The following CIB4 variants were observed in gnomAD, a reference collection of about 807,000 sequenced individuals.
The protein encoded by CIB4 is calcium and integrin-binding family member 4.
CIB4 carries 25 observed loss-of-function variants against 25.8 expected under a neutral mutation model. That is an observed-to-expected ratio of 0.97 (90% CI 0.71 to 1.35). The LOEUF is 1.35. Among genes scored for constraint, CIB4 ranks in the 40% most tolerant of loss-of-function variants. The pLI is 0.00. For missense variants in CIB4, 235 were observed against 228.2 expected (o/e 1.03, Z -0.19); for synonymous variants, 75 against 81.4 (o/e 0.92, Z 0.42).
intron 3 of CIB4, among the ~76,000 whole-genome samples, chr2:26,615,456 T>C (rs958142770): frequency 7.9e-5 from 12 of 152,138 alleles, no homozygotes; most frequent in Non-Finnish European, 1.8e-4. Context: ...TGGCGTGAGA[T>C]TAGAGCCTCA....
chr2:26,583,778 C>T lies in CIB4; in HGVS notation c.438+11G>A, dbSNP rs770526784. 2 of 1,573,372 alleles carry T rather than the reference C, an allele frequency of 1.3e-6. No individual in the cohort carries two copies. Among genetic ancestry groups the T allele is most frequent in the Non-Finnish European group, 8.7e-7 (1 of 1,144,450 alleles). On this transcript the variant is annotated intron_variant, in intron 5 of 6. Coordinates refer to ENST00000288861, the MANE Select transcript of CIB4 (RefSeq NM_001029881.3). ...GGCCCCAGCCACCAACTCCCAGCCC[C>T]CAGCACACACGTGGTTCGTGAGGTC...
intron 3 of CIB4, among the ~76,000 whole-genome samples, chr2:26,598,766 C>T (rs1270840205): frequency 1.3e-5 from 2 of 152,076 alleles, no homozygotes; most frequent in African/African-American, 2.4e-5. Flanking sequence ...AGGTTATGAG[C>T]CCCCCTGAGA....
intron 3 of CIB4, among the ~76,000 whole-genome samples, chr2:26,603,723 G>C (rs895623005): frequency 6.6e-6 from 1 of 152,126 alleles, no homozygotes; most frequent in African/African-American, 2.4e-5. Flanking sequence ...AAAGAAAACA[G>C]ACCCATGCTT....
rs557532854 is a variant in CIB4, at chr2:26,588,732, C to T, written c.329-4834G>A. Among the ~76,000 whole-genome samples the T allele has an allele frequency of 1.3e-3, 191 of 152,324 alleles. 1 individual carries two copies. Among genetic ancestry groups the T allele is most frequent in the African/African-American group, 4.4e-3 (184 of 41,562 alleles). Reference sequence around the variant, plus strand: ...CCCTGGGAAGGTATGGGGAGACCTGCCAAAGGTGCTCCGGTACCTGCCTGG... The same window carrying T: ...CCCTGGGAAGGTATGGGGAGACCTGTCAAAGGTGCTCCGGTACCTGCCTGG... On this transcript the variant is annotated intron_variant, in intron 4 of 6. Transcript: ENST00000288861.
At chr2:26,630,408 G>A (rs1404249422) in intron 2 of CIB4, among the ~76,000 whole-genome samples, 1 of 152,198 alleles carries the variant, frequency 6.6e-6, no homozygotes, top group East Asian at 1.9e-4. Context: ...GCAGGGCTGT[G>A]TGACCTCGGG....
intron 3 of CIB4, among the ~76,000 whole-genome samples, chr2:26,617,813 G>A (rs563775530): frequency 1.3e-5 from 2 of 152,314 alleles, no homozygotes; most frequent in Admixed American, 1.3e-4. Flanking sequence ...CCAGAGGGCT[G>A]CCCTGAGTTC....
intron 3 of CIB4, among the ~76,000 whole-genome samples, chr2:26,605,016 A>G (rs1159465856): frequency 6.6e-6 from 1 of 152,216 alleles, no homozygotes; most frequent in Non-Finnish European, 1.5e-5. Flanking sequence ...AAGATAGACC[A>G]TATTCAGGGT....
intron 3 of CIB4, among the ~76,000 whole-genome samples, chr2:26,625,172 A>G (rs572044761): frequency 6.6e-6 from 1 of 152,182 alleles, no homozygotes; most frequent in African/African-American, 2.4e-5. Context: ...CATCGGTCCA[A>G]TCTCTTTTTG....
chr2:26,612,900 T>C lies in CIB4; in HGVS notation c.186+16510A>G, dbSNP rs79946544. The stretch of plus-strand genomic sequence containing the variant: ...ATCTCCAGAGATAACTTATCTCCCA[T>C]CTCTGGGTTTTCTGCCACCTGAGAA... On this transcript the variant is annotated intron_variant, in intron 3 of 6. Transcript: ENST00000288861. Among the ~76,000 whole-genome samples the C allele has an allele frequency of 3.7e-4, 56 of 152,054 alleles. 1 individual carries two copies. The East Asian group carries it at 7.8e-3, about 21-fold the overall frequency.
chr2:26,581,924 A>T (rs1174902614), intron 6 of CIB4, among the ~76,000 whole-genome samples: 1 of 152,180 alleles, frequency 6.6e-6, no homozygotes, highest in Non-Finnish European at 1.5e-5. Context: ...GGAGTCACTG[A>T]AAGTCACTCA....
chr2:26,637,859 C>T (rs1669562461), intron 2 of CIB4, among the ~76,000 whole-genome samples: 1 of 152,200 alleles, frequency 6.6e-6, no homozygotes, highest in South Asian at 2.1e-4. Flanking sequence ...ACTGGTATCA[C>T]CTTCCCATTT....
chr2:26,581,305 G>C lies in CIB4; in HGVS notation c.*58C>G, dbSNP rs1308084793. On this transcript the variant is annotated 3_prime_UTR_variant, in exon 7 of 7. Coordinates refer to ENST00000288861, the MANE Select transcript of CIB4 (RefSeq NM_001029881.3). ...CAAACCAGCTCCCTCCAGTGCTGGA[G>C]GGGGTTCGATTCCTGTGGTCTCCCT... The C allele has an allele frequency of 1.2e-4, 175 of 1,446,018 alleles. No individual in the cohort carries two copies. The highest frequency in any genetic ancestry group is 1.7e-4 in the Middle Eastern group (1 of 5,782). The allele number at this position is 1,446,018 out of a possible 1,614,324, so 89.6% of individuals were successfully genotyped here. A position where few individuals can be genotyped will look rare whatever the true frequency, so the allele number is the denominator to read the frequency against.
intron 3 of CIB4, among the ~76,000 whole-genome samples, chr2:26,611,899 T>C (rs1381365546): frequency 1.3e-5 from 2 of 152,192 alleles, no homozygotes; most frequent in Non-Finnish European, 2.9e-5. Flanking sequence ...TCTACGATAT[T>C]ATAAAATAAA....
intron 3 of CIB4, chr2:26,623,309 C>T (rs889350707): frequency 9.6e-5 from 18 of 187,298 alleles, no homozygotes; most frequent in African/African-American, 2.4e-4. Flanking sequence ...CACCACTGCA[C>T]GCTAACCTGG....
At chr2:26,584,575 T>A (rs1462278893) in intron 4 of CIB4, among the ~76,000 whole-genome samples, 1 of 152,216 alleles carries the variant, frequency 6.6e-6, no homozygotes, top group Non-Finnish European at 1.5e-5. Context: ...AGAGGCAATA[T>A]TCCCTCCAAC....
At chr2:26,623,281 T>C (rs562419609) in intron 3 of CIB4, 1 of 175,736 alleles carries the variant, frequency 5.7e-6, no homozygotes, top group African/African-American at 2.4e-5. Context: ...AGATTGAGGC[T>C]GCAGGGAGCC....
chr2:26,605,235 G>GTATA (rs1049724934), intron 3 of CIB4, among the ~76,000 whole-genome samples: 2 of 152,058 alleles, frequency 1.3e-5, no homozygotes, highest in African/African-American at 4.8e-5. Flanking sequence ...TGAAAGCAAT[G>GTATA]TATACATGGA....
At chr2:26,628,383 C>T (rs116116316) in intron 3 of CIB4, among the ~76,000 whole-genome samples, 1 of 152,102 alleles carries the variant, frequency 6.6e-6, no homozygotes, top group Admixed American at 6.5e-5. Context: ...CAGCCTCCCC[C>T]CACTGCTCTA....
intron 3 of CIB4, among the ~76,000 whole-genome samples, chr2:26,617,724 G>A (rs1330362773): frequency 1.3e-5 from 2 of 152,262 alleles, no homozygotes; most frequent in Middle Eastern, 3.4e-3. Context: ...TCCCTGCCTG[G>A]GTTGAGGATG....
Sources: gnomAD v4.1 joint callset for allele counts (sites outside exome capture counted in the v4.1 genomes callset) on GRCh38, gnomAD v4.1.1 for gene constraint, MANE v1.5 for transcripts, NCBI Gene and HGNC (gene_info 2026-07-23, HGNC 2026-07-21) for gene names.